ARHGAP10: variants seen among roughly 807,000 people sequenced by gnomAD.
The protein encoded by ARHGAP10 is rho GTPase-activating protein 10.
A neutral mutation model predicts 108.6 loss-of-function variants in ARHGAP10; 87 were observed. That is an observed-to-expected ratio of 0.80 (90% CI 0.67 to 0.96). The LOEUF (loss-of-function observed/expected upper bound fraction) is 0.96, where lower values mean the gene tolerates loss of function less well. Ranked by LOEUF, ARHGAP10 falls within the 40% of genes least tolerant of loss-of-function variation. ARHGAP10 has a pLI of 0.00. For missense variants in ARHGAP10, 939 were observed against 954.5 expected, an observed-to-expected ratio of 0.98 and a Z score of 0.21; for synonymous variants, 347 against 341.1, an observed-to-expected ratio of 1.02 and a Z score of -0.19.
chr4:148,064,777 C>T (rs77459396), intron 22 of ARHGAP10, among the ~76,000 whole-genome samples: 6,663 of 149,444 alleles, frequency 0.045, 486 homozygotes, highest in African/African-American at 0.14. Flanking sequence ...TCTCTCCTGA[C>T]GGGAAGAAGC....
intron 13 of ARHGAP10, among the ~76,000 whole-genome samples, chr4:147,931,604 A>G (rs1259551810): frequency 6.6e-6 from 1 of 152,166 alleles, no homozygotes; most frequent in Non-Finnish European, 1.5e-5. Context: ...AGCAAAAACC[A>G]AGGTTGACCA....
chr4:147,846,325 AAG>A (rs1243994094), intron 3 of ARHGAP10, among the ~76,000 whole-genome samples: 2 of 152,204 alleles, frequency 1.3e-5, no homozygotes, highest in African/African-American at 4.8e-5. Flanking sequence ...CCTTTCTAAA[AAG>A]AGGGATGGCA....
intron 1 of ARHGAP10, among the ~76,000 whole-genome samples, chr4:147,759,779 C>A (rs1017980486): frequency 1.3e-5 from 2 of 152,072 alleles, no homozygotes; most frequent in African/African-American, 4.8e-5. Flanking sequence ...GACAGGGTCT[C>A]ACCCTGTCGC....
chr4:148,017,182 C>T (rs72724402), intron 18 of ARHGAP10, among the ~76,000 whole-genome samples: 1 of 152,050 alleles, frequency 6.6e-6, no homozygotes, highest in Non-Finnish European at 1.5e-5. Flanking sequence ...CCCAGCAATG[C>T]CTGACTGTTC....
intron 1 of ARHGAP10, among the ~76,000 whole-genome samples, chr4:147,761,017 C>CTT (rs11301771): frequency 3.2e-4 from 45 of 141,356 alleles, no homozygotes; most frequent in African/African-American, 9.3e-4. Context: ...TTAGAGTTAA[C>CTT]TTTTTTTTTT....
At chr4:147,732,739 C>T (rs973614990) in intron 1 of ARHGAP10, among the ~76,000 whole-genome samples, 1 of 151,978 alleles carries the variant, frequency 6.6e-6, no homozygotes, top group Non-Finnish European at 1.5e-5. Context: ...GCCGAACACC[C>T]CTCGCTGAAT....
At chr4:147,941,368 C>A (rs981836783) in intron 14 of ARHGAP10, among the ~76,000 whole-genome samples, 5 of 152,178 alleles carry the variant, frequency 3.3e-5, no homozygotes, top group African/African-American at 1.2e-4. Flanking sequence ...TACAGCATTG[C>A]TAAACTCAGC....
rs573224245 is a variant in ARHGAP10 at position 147,990,757 on chromosome 4, G to A, written c.1716+23918G>A. Among the ~76,000 whole-genome samples, 13 of 152,242 alleles carry A rather than the reference G, an allele frequency of 8.5e-5. No homozygotes were observed. The East Asian group carries it at 2.3e-3, about 27-fold the overall frequency. ...GGGACACAAAAAGGGAACAACAGAC[G>A]CCGAGGTCTACTTGAGGGACGAGGG... On this transcript the variant is annotated intron_variant, in intron 18 of 22. Transcript: ENST00000336498.
At chr4:147,999,510 T>C (rs1740611174) in intron 18 of ARHGAP10, among the ~76,000 whole-genome samples, 1 of 152,236 alleles carries the variant, frequency 6.6e-6, no homozygotes, top group Admixed American at 6.5e-5. Context: ...GGGTGTCTGC[T>C]GTGCTCCTGA....
intron 19 of ARHGAP10, among the ~76,000 whole-genome samples, chr4:148,029,323 A>G (rs1441415851): frequency 6.6e-6 from 1 of 152,236 alleles, no homozygotes; most frequent in Non-Finnish European, 1.5e-5. Context: ...ACCCTTCATT[A>G]GAAGCCAAGG....
At position 148,047,041 on chromosome 4, in the gene ARHGAP10, G is replaced by A. The variant is rs756657862; in HGVS notation, c.2017G>A (p.Ala673Thr). The change falls in exon 20 of 23, where the codon GCA (alanine) becomes ACA (threonine). Residue 673 changes from alanine (A) to threonine (T), a missense_variant. Coordinates refer to ENST00000336498, the MANE Select transcript of ARHGAP10 (RefSeq NM_024605.4). ...LADGGSFGDW[A>T]STIPGQTRSS... is the part of the protein sequence containing the mutation. The stretch of plus-strand genomic sequence containing the variant: ...AGATGGAGGGAGCTTTGGAGACTGG[G>A]CATCCACTATGTAAGTAACCGTGCT... 28 of 1,613,962 alleles carry A rather than the reference G, an allele frequency of 1.7e-5. No homozygotes were observed. The South Asian group carries it at 2.9e-4, about 16-fold the overall frequency.
At chr4:147,967,415 G>T (rs546725568) in intron 18 of ARHGAP10, among the ~76,000 whole-genome samples, 1 of 152,188 alleles carries the variant, frequency 6.6e-6, no homozygotes, top group Non-Finnish European at 1.5e-5. Flanking sequence ...AATTGGGGAA[G>T]GGTAAACTCT....
rs144606803 is a variant in ARHGAP10 at position 147,793,714 on chromosome 4, C to T, written c.155-29013C>T. On this transcript the variant is annotated intron_variant, in intron 1 of 22. Transcript: ENST00000336498. ...ACCAAGTCAGGGAGTTAACATAATGCGGAGCCATGGATCCTCCTCTGCTGA... is the reference window on the plus strand; with the variant it reads ...ACCAAGTCAGGGAGTTAACATAATGTGGAGCCATGGATCCTCCTCTGCTGA... 2.6e-4 allele frequency among the ~76,000 whole-genome samples: 39 copies of T among 152,290 alleles called. No homozygotes were observed. In the East Asian group the frequency reaches 6.6e-3, roughly 26 times the overall value.
intron 10 of ARHGAP10, among the ~76,000 whole-genome samples, chr4:147,901,602 G>A (rs1162027840): frequency 6.6e-6 from 1 of 152,198 alleles, no homozygotes; most frequent in East Asian, 1.9e-4. Context: ...GTGCTTGGAG[G>A]CAAGACATAT....
intron 15 of ARHGAP10, among the ~76,000 whole-genome samples, chr4:147,953,599 C>T (rs995673626): frequency 6.1e-5 from 9 of 146,488 alleles, no homozygotes; most frequent in Non-Finnish European, 3.0e-5. Context: ...TGCACTGATT[C>T]TGCAGTCACC....
chr4:147,848,769 T>A (rs1296027805), intron 4 of ARHGAP10, among the ~76,000 whole-genome samples: 1 of 152,262 alleles, frequency 6.6e-6, no homozygotes, highest in Non-Finnish European at 1.5e-5. Context: ...TAGAAATGTC[T>A]GACCTTGAAT....
At position 147,812,217 on chromosome 4, in the gene ARHGAP10, T is replaced by C. The variant is rs72724333; in HGVS notation, c.155-10510T>C. On this transcript the variant is annotated intron_variant, in intron 1 of 22. Transcript: ENST00000336498. ...CTATTTTTTAGCATTTCTAAAAGGC[T>C]GCGTAGGAAGTGGGGAATGAAAAAA... 5.6e-3 allele frequency among the ~76,000 whole-genome samples: 855 copies of C among 152,218 alleles called. 5 individuals are homozygous for C. Among genetic ancestry groups the C allele is most frequent in the Non-Finnish European group, 8.8e-3 (599 of 67,998 alleles).
intron 13 of ARHGAP10, among the ~76,000 whole-genome samples, chr4:147,935,267 G>A (rs1737878751): frequency 6.6e-6 from 1 of 152,220 alleles, no homozygotes; most frequent in African/African-American, 2.4e-5. Context: ...GCTAGAGGAT[G>A]TGGGCTGGAT....
chr4:147,950,495 A>T (rs545735596), intron 15 of ARHGAP10, among the ~76,000 whole-genome samples: 1 of 152,272 alleles, frequency 6.6e-6, no homozygotes, highest in Admixed American at 6.5e-5. Flanking sequence ...TTTCTCACCC[A>T]AAAAAGCTCT....
Sources: gnomAD v4.1 joint callset for allele counts (sites outside exome capture counted in the v4.1 genomes callset) on GRCh38, gnomAD v4.1.1 for gene constraint, MANE v1.5 for transcripts, NCBI Gene and HGNC (gene_info 2026-07-23, HGNC 2026-07-21) for gene names.